Variants in SHISA9 observed in about 807,000 individuals in gnomAD.
The protein encoded by SHISA9 is protein shisa-9.
In SHISA9, 13 loss-of-function variants were observed where a neutral mutation model predicts 38.0. The observed-to-expected ratio is 0.34, with a 90% CI of 0.22 to 0.54. The LOEUF is 0.54. Among genes scored for constraint, SHISA9 ranks in the 20% least tolerant of loss-of-function variants. The pLI is 0.91. For missense variants in SHISA9, 538 were observed against 575.8 expected (o/e 0.93, Z 0.67); for synonymous variants, 275 against 242.0 (o/e 1.14, Z -1.27).
At chr16:13,034,097 A>G (rs2073024404) in intron 2 of SHISA9, among the ~76,000 whole-genome samples, 1 of 151,278 alleles carries the variant, frequency 6.6e-6, no homozygotes, top group Admixed American at 6.6e-5. Flanking sequence ...GAGAGCTGAG[A>G]TTGTGTCATT....
intron 2 of SHISA9, among the ~76,000 whole-genome samples, chr16:13,111,645 A>T (rs972420898): frequency 6.6e-6 from 1 of 152,198 alleles, no homozygotes; most frequent in African/African-American, 2.4e-5. Context: ...TTATTAAGAT[A>T]ATTTTCTTTT....
At chr16:13,401,793 G>A in the SHISA9 span, among the ~76,000 whole-genome samples, 1 of 152,166 alleles carries the variant, frequency 6.6e-6, no homozygotes, top group African/African-American at 2.4e-5. Flanking sequence ...GCCTGAGACT[G>A]GGTAATATAT....
At chr16:13,556,646 G>C in the SHISA9 span, among the ~76,000 whole-genome samples, 89 of 152,148 alleles carry the variant, frequency 5.8e-4, no homozygotes, top group Non-Finnish European at 8.7e-4. Flanking sequence ...CTGGGCGACA[G>C]AGTGAGACTC....
At chr16:13,374,838 A>T in the SHISA9 span, among the ~76,000 whole-genome samples, 1 of 152,118 alleles carries the variant, frequency 6.6e-6, no homozygotes, top group Non-Finnish European at 1.5e-5. Context: ...TTGTTTCCTG[A>T]CTTTTTAATG....
intron 2 of SHISA9, among the ~76,000 whole-genome samples, chr16:13,193,089 GGTGGTTCAATGC>G (rs1482449051): frequency 6.6e-6 from 1 of 152,192 alleles, no homozygotes; most frequent in Non-Finnish European, 1.5e-5. Flanking sequence ...TGTCCACAGA[GGTGGTTCAATGC>G]GTGGTTCAAT....
chr16:13,150,296 C>G (rs1455209786), intron 2 of SHISA9, among the ~76,000 whole-genome samples: 1 of 152,074 alleles, frequency 6.6e-6, no homozygotes, highest in Non-Finnish European at 1.5e-5. Context: ...CATCTACTCA[C>G]CTTTCAAGAG....
chr16:13,272,449 A>G, the SHISA9 span, among the ~76,000 whole-genome samples: 1 of 151,794 alleles, frequency 6.6e-6, no homozygotes, highest in African/African-American at 2.4e-5. Context: ...GCTGGTCTTG[A>G]ACTCCTGGAC....
the SHISA9 span, among the ~76,000 whole-genome samples, chr16:13,312,252 T>C: frequency 6.6e-6 from 1 of 152,200 alleles, no homozygotes; most frequent in Non-Finnish European, 1.5e-5. Context: ...TGTGGTCTTG[T>C]TTCAATAAAA....
intron 2 of SHISA9, among the ~76,000 whole-genome samples, chr16:13,087,145 G>GT (rs2073720668): frequency 8.8e-5 from 11 of 124,928 alleles, no homozygotes; most frequent in Non-Finnish European, 1.3e-4. Context: ...ACATGAACTC[G>GT]TCTTTTTTTT....
chr16:13,331,542 A>G, the SHISA9 span: 4 of 152,212 alleles, frequency 2.6e-5, no homozygotes, highest in Admixed American at 1.3e-4. Context: ...AAAATGACTT[A>G]AGTTCCATAG....
intron 2 of SHISA9, among the ~76,000 whole-genome samples, chr16:12,948,873 TG>T (rs1378831599): frequency 1.3e-5 from 2 of 152,262 alleles, no homozygotes; most frequent in Non-Finnish European, 2.9e-5. Context: ...CATGCATTTT[TG>T]TCTTATTTTT....
At chr16:13,360,555 G>A in the SHISA9 span, among the ~76,000 whole-genome samples, 1 of 152,150 alleles carries the variant, frequency 6.6e-6, no homozygotes, top group South Asian at 2.1e-4. Context: ...AGAAGGATGT[G>A]TTTGCTTCCC....
At chr16:13,392,020 G>T in the SHISA9 span, among the ~76,000 whole-genome samples, 1 of 152,188 alleles carries the variant, frequency 6.6e-6, no homozygotes, top group Non-Finnish European at 1.5e-5. Flanking sequence ...TGCTGCCAGT[G>T]ATTGTGGAGG....
chr16:12,975,571 G>C (rs113029780), intron 2 of SHISA9, among the ~76,000 whole-genome samples: 2 of 137,604 alleles, frequency 1.5e-5, no homozygotes, highest in African/African-American at 5.4e-5. Flanking sequence ...CAAGTTGTGT[G>C]TTTAAGGATT....
At chr16:13,504,179 G>A in the SHISA9 span, among the ~76,000 whole-genome samples, 1 of 152,112 alleles carries the variant, frequency 6.6e-6, no homozygotes, top group African/African-American at 2.4e-5. Flanking sequence ...TTTAGCCCTT[G>A]GAGTTTTGAT....
At chr16:13,517,640 G>T in the SHISA9 span, among the ~76,000 whole-genome samples, 76 of 152,150 alleles carry the variant, frequency 5.0e-4, no homozygotes, top group African/African-American at 1.8e-3. Context: ...TATATGTCCC[G>T]TTCATTGAGT....
At chr16:13,164,694 A>T (rs1231232678) in intron 2 of SHISA9, among the ~76,000 whole-genome samples, 1 of 152,068 alleles carries the variant, frequency 6.6e-6, no homozygotes, top group East Asian at 1.9e-4. Flanking sequence ...TACATTTTTC[A>T]TTCTATTCAG....
the SHISA9 span, among the ~76,000 whole-genome samples, chr16:13,449,641 C>A: frequency 1.3e-3 from 199 of 152,240 alleles, 1 homozygote; most frequent in African/African-American, 4.6e-3. Flanking sequence ...ATTTGCCCTT[C>A]CATTCCTTTC....
At position 13,235,255 on chromosome 16, in the gene SHISA9, A is replaced by G. The variant is rs1319681368; in HGVS notation, c.1121A>G (p.Asn374Ser). The change falls in exon 5 of 5, where the codon AAC becomes AGC. Residue 374 changes from asparagine (N) to serine (S), a missense_variant. Transcript: ENST00000558583. ...STTNFKGWDP[N>S]EQSLRRQAYS... ...ACCAACTTTAAGGGCTGGGACCCCA[A>G]CGAGCAGTCCCTCCGGCGGCAGGCT... The G allele has an allele frequency of 6.4e-7, 1 of 1,551,710 alleles. No individual in the cohort carries two copies. The highest frequency in any genetic ancestry group is 2.0e-5 in the Admixed American group (1 of 51,002).
Sources: allele counts gnomAD v4.1 joint callset (sites outside exome capture counted in the v4.1 genomes callset), GRCh38; gene constraint gnomAD v4.1.1; transcripts MANE v1.5; gene names NCBI Gene and HGNC (gene_info 2026-07-23, HGNC 2026-07-21).